The following MUL1 variants were observed in gnomAD, a reference collection of about 807,000 sequenced individuals.
The protein encoded by MUL1 is mitochondrial ubiquitin ligase activator of NFKB 1.
Under a neutral mutation model 34.1 loss-of-function variants are expected in MUL1, and 30 were observed. The ratio of observed to expected loss-of-function variants is 0.88; its 90% CI spans 0.66 to 1.19. The LOEUF (loss-of-function observed/expected upper bound fraction) is 1.19. MUL1 is among the 50% of genes most tolerant of loss of function. The pLI, the probability that MUL1 is intolerant of heterozygous loss-of-function variation, is 0.00. For missense variants in MUL1, 419 were observed against 450.5 expected (o/e 0.93, Z 0.63); for synonymous variants, 191 against 187.8 (o/e 1.02, Z -0.14).
rs2051734980 is a variant in MUL1 at position 20,508,012 on chromosome 1, C to G, written c.13G>C (p.Gly5Arg). 1.9e-6 allele frequency: 3 copies of G among 1,584,810 alleles called. No homozygotes were observed. The highest frequency in any genetic ancestry group is 1.8e-5 in the Admixed American group (1 of 54,352). ...ATGAACTGGCACAGCGAGGGCCGCC[C>G]TCCGCTCTCCATGACGGCGGCGAGC... Reference protein sequence around the residue: MESGGRPSLCQFILL... With the variant: MESGRRPSLCQFILL... Residue 5 changes from glycine (G) to arginine (R), a missense_variant, in exon 1 of 4, where the codon GGG (glycine) becomes CGG (arginine). By Grantham distance (125) the Gly-to-Arg change is moderately radical. Transcript: ENST00000264198.
At chr1:20,503,856 T>C (rs534043541) in intron 1 of MUL1, among the ~76,000 whole-genome samples, 27 of 151,758 alleles carry the variant, frequency 1.8e-4, no homozygotes, top group Non-Finnish European at 3.7e-4. Context: ...TGTTAACTGG[T>C]GCCAAATGCC....
chr1:20,504,195 C>T (rs966966476), intron 1 of MUL1, among the ~76,000 whole-genome samples: 1 of 152,122 alleles, frequency 6.6e-6, no homozygotes, highest in African/African-American at 2.4e-5. Context: ...CTTTTTCATG[C>T]TCATAATTAA....
At chr1:20,505,365 G>T (rs914668863) in intron 1 of MUL1, among the ~76,000 whole-genome samples, 1 of 151,958 alleles carries the variant, frequency 6.6e-6, no homozygotes, top group Non-Finnish European at 1.5e-5. Flanking sequence ...TGGGATAGCT[G>T]CTTGAGGCCA....
chr1:20,503,344 T>G, intron 1 of MUL1, 35 bp from the exon 2 acceptor site: 474 of 1,175,734 alleles, frequency 4.0e-4, no homozygotes, highest in Non-Finnish European at 5.0e-4. Context: ...TAATTGGCCA[T>G]TGAACACTGA....
At chr1:20,503,373 C>A (rs1042763804) in intron 1 of MUL1, 64 bp from the exon 2 acceptor site, 2 of 957,868 alleles carry the variant, frequency 2.1e-6, no homozygotes, top group South Asian at 1.6e-5. Flanking sequence ...ATCAAACTTA[C>A]AGGCAAAAAA....
At chr1:20,502,843 A>T (rs2101116597) in intron 2 of MUL1, among the ~76,000 whole-genome samples, 1 of 152,176 alleles carries the variant, frequency 6.6e-6, no homozygotes, top group South Asian at 2.1e-4. Flanking sequence ...CTCAAAAAAA[A>T]ATTTTTTTTT....
chr1:20,503,090 C>T (rs2051679585), intron 2 of MUL1, 132 bp downstream of exon 2: 1 of 572,086 alleles, frequency 1.7e-6, no homozygotes. Flanking sequence ...TAACCCATGT[C>T]TTTCTGACCC....
Position 20,501,040 on chromosome 1 carries a change from C to T in MUL1, c.709G>A (p.Val237Ile), listed in dbSNP as rs1181651595. Residue 237 changes from valine (V) to isoleucine (I), a missense_variant, in exon 4 of 4, where the codon GTC (valine) becomes ATC (isoleucine). Val to Ile is a conservative substitution (Grantham distance 29). Transcript: ENST00000264198. This position sits in a 1 kb window ranked among gnomAD's most constrained non-coding sequence, Gnocchi z 4.2. ...AGCGCCAGCACCTTCCAGAGCCTGA[C>T]GCTCGACTCCTGCCTCTGCAGCAGG... Reference protein sequence around the residue: ...DSLLQRQESSVRLWKVLALVF... With the variant: ...DSLLQRQESSIRLWKVLALVF... The T allele has an allele frequency of 7.4e-6, 12 of 1,614,090 alleles. No homozygotes were observed. Among genetic ancestry groups the T allele is most frequent in the East Asian group, 2.2e-5 (1 of 44,880 alleles).
intron 1 of MUL1, 32 bp downstream of exon 1, chr1:20,507,873 C>T (rs773837463): frequency 1.2e-5 from 19 of 1,589,302 alleles, no homozygotes; most frequent in East Asian, 6.8e-5. Flanking sequence ...CAGAGATGAC[C>T]CGGCTGAGGC....
Position 20,501,922 on chromosome 1 carries a change from G to T in MUL1, c.329+147C>A. On this transcript the variant is annotated intron_variant, in intron 3 of 3. Coordinates refer to ENST00000264198, the MANE Select transcript of MUL1 (RefSeq NM_024544.3). The surrounding 1 kb of genome is among the most constrained non-coding windows in gnomAD (Gnocchi z 4.2). Reference sequence around the variant, plus strand: ...GTGATTCCGACATAGGAGGCCCACAGGCTACACACAAGAATATGACCTGCA... The same window carrying T: ...GTGATTCCGACATAGGAGGCCCACATGCTACACACAAGAATATGACCTGCA... 9.7e-7 allele frequency: 1 copy of T among 1,030,982 alleles called. No homozygotes were observed. The highest frequency in any genetic ancestry group is 1.5e-5 in the South Asian group (1 of 65,224). The allele number at this position is 1,030,982 out of a possible 1,614,324, so 63.9% of individuals were successfully genotyped here.
At chr1:20,506,927 A>C (rs979274350) in intron 1 of MUL1, among the ~76,000 whole-genome samples, 2 of 151,516 alleles carry the variant, frequency 1.3e-5, no homozygotes, top group Non-Finnish European at 2.9e-5. Flanking sequence ...GAAAAAAATA[A>C]AATCAAGATG....
Position 20,500,611 on chromosome 1 carries a change from C to T in MUL1, c.*79G>A. 1 of 1,502,986 alleles carries T rather than the reference C, an allele frequency of 6.7e-7. No individual in the cohort carries two copies. Among genetic ancestry groups the T allele is most frequent in the Non-Finnish European group, 8.9e-7 (1 of 1,126,128 alleles). The allele number at this position is 1,502,986 out of a possible 1,614,324, so 93.1% of individuals were successfully genotyped here. The stretch of plus-strand genomic sequence containing the variant: ...GGTGACAGCTACCCCCACCACTGCT[C>T]CTCCAAAGGCCTCGAGATAAAAATC... On this transcript the variant is annotated 3_prime_UTR_variant, in exon 4 of 4. Transcript: ENST00000264198.
intron 1 of MUL1, among the ~76,000 whole-genome samples, chr1:20,503,874 A>G (rs1395980180): frequency 7.1e-6 from 1 of 141,718 alleles, no homozygotes; most frequent in South Asian, 2.2e-4. Flanking sequence ...GCCATTCTAC[A>G]TTTTTTTTTT....
At position 20,501,354 on chromosome 1, in the gene MUL1, T is replaced by C; in HGVS notation, c.395A>G (p.Glu132Gly). The stretch of plus-strand genomic sequence containing the variant: ...TCGCACAGCCACATCCACGCCATCC[T>C]CGTGGGGCACCAGGTCAAAGGGCAC... ...NTVPFDLVPH[E>G]DGVDVAVRVL... The change falls in exon 4 of 4, where the codon GAG becomes GGG. Residue 132 changes from glutamate (E) to glycine (G), a missense_variant. Glu to Gly is a moderately conservative substitution (Grantham distance 98, BLOSUM62 -2). Transcript: ENST00000264198. The surrounding 1 kb of genome is among the most constrained non-coding windows in gnomAD (Gnocchi z 4.2). 6.2e-7 allele frequency: 1 copy of C among 1,614,186 alleles called. No homozygotes were observed. The highest frequency in any genetic ancestry group is 8.5e-7 in the Non-Finnish European group (1 of 1,180,026).
chr1:20,500,828 G>A lies in MUL1; in HGVS notation c.921C>T (p.Ser307=). 5 of 1,614,196 alleles carry A rather than the reference G, an allele frequency of 3.1e-6. No individual in the cohort carries two copies. Among genetic ancestry groups the A allele is most frequent in the Non-Finnish European group, 2.5e-6 (3 of 1,180,050 alleles). ...CCAGAAAGACGCAGGACTTGAAGCT[G>A]CTCAGACACACTACACAGGCGCTCT... ...SLKSACVVCL[S]SFKSCVFLEC... is the part of the protein sequence containing the mutation. Residue 307 remains serine (S), a synonymous_variant, in exon 4 of 4, where the codon AGC becomes AGT. Coordinates refer to ENST00000264198, the MANE Select transcript of MUL1 (RefSeq NM_024544.3).
Position 20,501,241 on chromosome 1 carries a change from T to C in MUL1, c.508A>G (p.Ile170Val). The part of the protein sequence containing the change: ...HPSIQSFTDV[I>V]GHYISGERPK... Reference sequence around the variant, plus strand: ...CGCTCACCGCTGATGTAGTGGCCGATGACATCGGTGAAGGACTGAATCGAG... The same window carrying C: ...CGCTCACCGCTGATGTAGTGGCCGACGACATCGGTGAAGGACTGAATCGAG... Residue 170 changes from isoleucine to valine, a missense_variant, in exon 4 of 4, where the codon ATC (isoleucine) becomes GTC (valine). Ile to Val is a conservative substitution (Grantham distance 29). Coordinates refer to ENST00000264198, the MANE Select transcript of MUL1 (RefSeq NM_024544.3). The surrounding 1 kb of genome is among the most constrained non-coding windows in gnomAD (Gnocchi z 4.2). 6.8e-6 allele frequency: 11 copies of C among 1,614,194 alleles called. No individual in the cohort carries two copies. Among genetic ancestry groups the C allele is most frequent in the Non-Finnish European group, 9.3e-6 (11 of 1,180,032 alleles).
rs776286719 is a variant in MUL1, at chr1:20,499,847, G to C, written c.*843C>G. 3 of 152,288 alleles carry C rather than the reference G, an allele frequency of 2.0e-5. No homozygotes were observed. Among genetic ancestry groups the C allele is most frequent in the Non-Finnish European group, 4.4e-5 (3 of 68,092 alleles). The allele number at this position is 152,288 out of a possible 1,614,324, so 9.4% of individuals were successfully genotyped here. Reference sequence around the variant, plus strand: ...GCCTTGCAAGGAAGCTGTGAGGCCAGGACACTAGGCCAGTGGCATCCACAC... The same window carrying C: ...GCCTTGCAAGGAAGCTGTGAGGCCACGACACTAGGCCAGTGGCATCCACAC... On this transcript the variant is annotated 3_prime_UTR_variant, in exon 4 of 4. Coordinates refer to ENST00000264198, the MANE Select transcript of MUL1 (RefSeq NM_024544.3).
At chr1:20,506,855 A>AAAAAAGAAAAAG (rs1283026616) in intron 1 of MUL1, among the ~76,000 whole-genome samples, 7 of 148,812 alleles carry the variant, frequency 4.7e-5, no homozygotes, top group African/African-American at 1.7e-4. Flanking sequence ...GTCTCAAAAA[A>AAAAAAGAAAAAG]AAAAAGAAAA....
Position 20,508,130 on chromosome 1 carries a change from G to C in MUL1, c.-106C>G. 1.4e-6 allele frequency: 2 copies of C among 1,442,882 alleles called. No homozygotes were observed. Among genetic ancestry groups the C allele is most frequent in the Non-Finnish European group, 9.2e-7 (1 of 1,087,064 alleles). The allele number at this position is 1,442,882 out of a possible 1,614,324, so 89.4% of individuals were successfully genotyped here. A position where few individuals can be genotyped will look rare whatever the true frequency, so the allele number is the denominator to read the frequency against. On this transcript the variant is annotated 5_prime_UTR_variant, in exon 1 of 4. Transcript: ENST00000264198. ...GGACCGCACCCCCCCGGCCTAACCT[G>C]ACCGGAAACTCGAAATCAGTCGCCC...
Sources: gnomAD v4.1 joint callset for allele counts (sites outside exome capture counted in the v4.1 genomes callset) on GRCh38, gnomAD v4.1.1 for gene constraint, Gnocchi (gnomAD v3.1) non-coding constraint, MANE v1.5 for transcripts, NCBI Gene and HGNC (gene_info 2026-07-23, HGNC 2026-07-21) for gene names.